The following FAF2 variants were observed in gnomAD, a reference collection of about 807,000 sequenced individuals.
FAF2 encodes Fas associated factor family member 2.
Under a neutral mutation model 62.3 loss-of-function variants are expected in FAF2, and 9 were observed. That is an observed-to-expected ratio of 0.14 (90% CI 0.09 to 0.25). FAF2 has a LOEUF of 0.25. FAF2 is among the 10% of genes least tolerant of loss of function. The probability of loss-of-function intolerance (pLI) is 1.00; values close to 1 mark genes in which losing one functional copy is unlikely to be tolerated. For missense variants in FAF2, 368 were observed against 556.2 expected, an observed-to-expected ratio of 0.66 and a Z score of 3.40; for synonymous variants, 202 against 198.0, an observed-to-expected ratio of 1.02 and a Z score of -0.17.
At chr5:176,464,426 A>G (rs1466883129) in intron 1 of FAF2, among the ~76,000 whole-genome samples, 1 of 150,816 alleles carries the variant, frequency 6.6e-6, no homozygotes, top group East Asian at 2.0e-4. Context: ...AGATTAAGAT[A>G]TGGTTATATC....
At position 176,465,883 on chromosome 5, in the gene FAF2, T is replaced by G. The variant is rs558544939; in HGVS notation, c.64-13305T>G. 2.0e-5 allele frequency among the ~76,000 whole-genome samples: 3 copies of G among 152,266 alleles called. No homozygotes were observed. The East Asian group carries it at 5.8e-4, about 29-fold the overall frequency. On this transcript the variant is annotated intron_variant, in intron 1 of 10. Transcript: ENST00000261942. ...AAAAAGAAAAGAAAACGATTTCAAG[T>G]AATAATGGGAGGCATTTTGGCATGA... is the stretch of plus-strand genomic sequence containing the variant.
rs1370023522 is a variant in FAF2, at chr5:176,507,036, CAAGA to C, written c.*87_*90del. On this transcript the variant is annotated 3_prime_UTR_variant, in exon 11 of 11. Transcript: ENST00000261942. The stretch of plus-strand genomic sequence containing the variant: ...ACAACAGCAAGTCAGAAAAAAAAAA[CAAGA>C]GAGAGAAATTCATATTATTATTATT... 3 of 842,648 alleles carry C rather than the reference CAAGA, an allele frequency of 3.6e-6. No homozygotes were observed. The highest frequency in any genetic ancestry group is 3.2e-5 in the East Asian group (1 of 31,588). The allele number at this position is 842,648 out of a possible 1,614,324, so 52.2% of individuals were successfully genotyped here.
intron 2 of FAF2, among the ~76,000 whole-genome samples, chr5:176,485,710 G>A (rs1340165863): frequency 6.6e-6 from 1 of 152,126 alleles, no homozygotes; most frequent in African/African-American, 2.4e-5. Context: ...AGGAAACTGA[G>A]GCTCATATGT....
chr5:176,499,871 G>C, intron 9 of FAF2, 132 bp from the exon 10 acceptor site: 1 of 1,012,304 alleles, frequency 9.9e-7, no homozygotes. Flanking sequence ...GGTTGTTTTT[G>C]ACTATTCCTG....
chr5:176,480,799 G>T (rs1029906312), intron 2 of FAF2, among the ~76,000 whole-genome samples: 4 of 150,270 alleles, frequency 2.7e-5, no homozygotes, highest in Admixed American at 6.7e-5. Context: ...GGGGCCTCTC[G>T]GGGGGTGGGG....
intron 1 of FAF2, among the ~76,000 whole-genome samples, chr5:176,471,162 G>C (rs1192084284): frequency 6.6e-6 from 1 of 151,998 alleles, no homozygotes; most frequent in Non-Finnish European, 1.5e-5. Context: ...TTTCACTGCT[G>C]TCATTCTATT....
chr5:176,477,177 C>T (rs1432545169), intron 1 of FAF2, among the ~76,000 whole-genome samples: 2 of 139,892 alleles, frequency 1.4e-5, no homozygotes, highest in Admixed American at 7.6e-5. Flanking sequence ...GATCTCCTGA[C>T]CTCATGATCT....
intron 1 of FAF2, among the ~76,000 whole-genome samples, chr5:176,460,666 T>C (rs140048964): frequency 6.6e-6 from 1 of 151,926 alleles, no homozygotes; most frequent in Non-Finnish European, 1.5e-5. Flanking sequence ...TTGAGAAGTG[T>C]CTGAGGCGGG....
chr5:176,489,151 T>C (rs923336640), intron 4 of FAF2, 124 bp downstream of exon 4: 4 of 623,538 alleles, frequency 6.4e-6, no homozygotes, highest in Non-Finnish European at 1.1e-5. Context: ...GGAATACACT[T>C]CCCGAACTGT....
intron 8 of FAF2, chr5:176,497,007 A>G (rs1287085724): frequency 2.5e-5 from 4 of 157,152 alleles, no homozygotes; most frequent in Admixed American, 6.5e-5. Context: ...TTAGCTAGGC[A>G]TGGTGGTACA....
chr5:176,496,412 C>A, intron 7 of FAF2, 74 bp from the exon 8 acceptor site: 2 of 1,207,126 alleles, frequency 1.7e-6, no homozygotes, highest in South Asian at 1.9e-5. Context: ...CTCTCTCACT[C>A]ATTGTGGAAA....
chr5:176,460,709 T>C (rs1404730102), intron 1 of FAF2, among the ~76,000 whole-genome samples: 1 of 152,062 alleles, frequency 6.6e-6, no homozygotes, highest in Non-Finnish European at 1.5e-5. Flanking sequence ...CCCAGCACTT[T>C]GGGAGGCTGA....
rs868617648 is a variant in FAF2 at position 176,494,865 on chromosome 5, C to T, written c.661+590C>T. ...CCCCGCCATAATTAGCAAGTTGTAG[C>T]GTACAGTCGGGTCTGCCAGATTCTA... On this transcript the variant is annotated intron_variant, in intron 7 of 10. Transcript: ENST00000261942. The surrounding 1 kb of genome is among the most constrained non-coding windows in gnomAD (Gnocchi z 4.0). Among the ~76,000 whole-genome samples, 3 of 152,256 alleles carry T rather than the reference C, an allele frequency of 2.0e-5. No homozygotes were observed. Among genetic ancestry groups the T allele is most frequent in the Middle Eastern group, 3.4e-3 (1 of 294 alleles).
chr5:176,494,103 T>C lies in FAF2; in HGVS notation c.569+19T>C, dbSNP rs541538610. ...TTTGTCGGTAAGTGGATTGATTATT[T>C]TCCTTCTCTTTTCTGACTCTTTCTG... is the stretch of plus-strand genomic sequence containing the variant. On this transcript the variant is annotated intron_variant, in intron 6 of 10. Coordinates refer to ENST00000261942, the MANE Select transcript of FAF2 (RefSeq NM_014613.3). The surrounding 1 kb of genome is among the most constrained non-coding windows in gnomAD (Gnocchi z 4.0). The C allele has an allele frequency of 2.5e-6, 4 of 1,612,386 alleles. No individual in the cohort carries two copies. In the Middle Eastern group the frequency reaches 5.0e-4, roughly 200 times the overall value.
intron 2 of FAF2, among the ~76,000 whole-genome samples, chr5:176,486,079 A>G (rs1758868924): frequency 6.6e-6 from 1 of 152,196 alleles, no homozygotes; most frequent in African/African-American, 2.4e-5. Context: ...CCTAAATAAT[A>G]CATGCCATCT....
At chr5:176,483,147 C>T (rs985982536) in intron 2 of FAF2, among the ~76,000 whole-genome samples, 2 of 151,984 alleles carry the variant, frequency 1.3e-5, no homozygotes, top group Admixed American at 6.6e-5. Flanking sequence ...ACCTTGAAGT[C>T]CTGGGCTCAA....
At position 176,509,813 on chromosome 5, in the gene FAF2, G is replaced by C. The variant is rs537634817; in HGVS notation, c.*2863G>C. On this transcript the variant is annotated 3_prime_UTR_variant, in exon 11 of 11. Transcript: ENST00000261942. ...TTTCAGAAAATGACTGAGAAGGAGC[G>C]ATAACCCCCAGAATGCAAAATCAGG... 6.5e-6 allele frequency: 1 copy of C among 152,730 alleles called. No individual in the cohort carries two copies. Among genetic ancestry groups the C allele is most frequent in the East Asian group, 1.9e-4 (1 of 5,186 alleles). The allele number at this position is 152,730 out of a possible 1,614,324, so 9.5% of individuals were successfully genotyped here.
At chr5:176,448,628 C>T (rs1198601802) in intron 1 of FAF2, among the ~76,000 whole-genome samples, 158 bp downstream of exon 1, 1 of 151,948 alleles carries the variant, frequency 6.6e-6, no homozygotes, top group East Asian at 1.9e-4. Flanking sequence ...TCCCCCGGCC[C>T]CCAAGCCTCT....
intron 2 of FAF2, among the ~76,000 whole-genome samples, chr5:176,481,549 C>G (rs910844180): frequency 7.9e-5 from 12 of 151,658 alleles, no homozygotes; most frequent in Non-Finnish European, 1.5e-4. Context: ...CCCAGCTACT[C>G]GGGAGGCTGA....
Sources: allele counts gnomAD v4.1 joint callset (sites outside exome capture counted in the v4.1 genomes callset), GRCh38; gene constraint gnomAD v4.1.1; non-coding constraint Gnocchi (gnomAD v3.1); transcripts MANE v1.5; gene names NCBI Gene and HGNC (gene_info 2026-07-23, HGNC 2026-07-21).